The following TNK2 variants were observed in gnomAD, a reference collection of about 807,000 sequenced individuals.
TNK2 encodes tyrosine kinase non receptor 2.
In TNK2, 83 loss-of-function variants were observed where a neutral mutation model predicts 101.8. The observed-to-expected ratio is 0.82, with a 90% CI of 0.68 to 0.98. The LOEUF (loss-of-function observed/expected upper bound fraction) is 0.98. Among genes scored for constraint, TNK2 ranks in the 50% least tolerant of loss-of-function variants. TNK2 has a pLI of 0.00. For missense variants in TNK2, 1,665 were observed against 1,483.2 expected (o/e 1.12, Z -2.01); for synonymous variants, 804 against 633.0 (o/e 1.27, Z -4.06).
At position 195,878,715 on chromosome 3, in the gene TNK2, A is replaced by C; in HGVS notation, c.1015-123T>G. 1.4e-6 allele frequency: 2 copies of C among 1,410,920 alleles called. No homozygotes were observed. The highest frequency in any genetic ancestry group is 1.9e-6 in the Non-Finnish European group (2 of 1,055,448). 87.4% of individuals were successfully genotyped at this position (1,410,920 alleles called of 1,614,324 possible). On this transcript the variant is annotated intron_variant, in intron 7 of 15. Coordinates refer to ENST00000672887, the MANE Select transcript of TNK2 (RefSeq NM_001382273.1). The surrounding 1 kb of genome is among the most constrained non-coding windows in gnomAD (Gnocchi z 4.7). ...GCCATGCCTGGCCTCCAAAGAAGGG[A>C]TCTGCCTGCCTGGGAGGGGCCCTCT... is the stretch of plus-strand genomic sequence containing the variant.
chr3:195,885,045 C>A lies in TNK2; in HGVS notation c.235-12G>T. The A allele has an allele frequency of 6.3e-7, 1 of 1,576,526 alleles. No individual in the cohort carries two copies. The highest frequency in any genetic ancestry group is 8.6e-7 in the Non-Finnish European group (1 of 1,157,954). On this transcript the variant is annotated splice_polypyrimidine_tract_variant and intron_variant, in intron 3 of 15. Coordinates refer to ENST00000672887, the MANE Select transcript of TNK2 (RefSeq NM_001382273.1). The surrounding 1 kb of genome is among the most constrained non-coding windows in gnomAD (Gnocchi z 4.7). ...TTTCCACTGAACACCTGTTTGAAGG[C>A]AGCCGGGGGCCAGATGGAATCCAAC... is the stretch of plus-strand genomic sequence containing the variant.
Position 195,886,823 on chromosome 3 carries a change from G to A in TNK2, c.234+154C>T, listed in dbSNP as rs777367126. On this transcript the variant is annotated intron_variant, in intron 3 of 15. Transcript: ENST00000672887. This position sits in a 1 kb window ranked among gnomAD's most constrained non-coding sequence, Gnocchi z 4.2. The stretch of plus-strand genomic sequence containing the variant: ...CAGCAGCTCTACAAGTGCCCTGCCC[G>A]ATAAGACCCTGGACGAGGGGGTCCT... Among the ~76,000 whole-genome samples the A allele has an allele frequency of 5.3e-5, 8 of 152,198 alleles. 1 individual carries two copies. Among genetic ancestry groups the A allele is most frequent in the South Asian group, 4.1e-4 (2 of 4,830 alleles).
Position 195,884,985 on chromosome 3 carries a change from G to T in TNK2, c.283C>A (p.Gln95Lys). ...GGCGAGGTCTTCCGGAAGGTGCTCT[G>T]AGAGTGATGAGGTGGGAACTCAGCC... Reference protein sequence around the residue: ...LEAEFPPHHSQSTFRKTSPAP... With the variant: ...LEAEFPPHHSKSTFRKTSPAP... Residue 95 changes from glutamine to lysine, a missense_variant, in exon 4 of 16, where the codon CAG becomes AAG. This residue lies in a region of TNK2 where 490 missense variants were observed against 522.5 expected (regional missense o/e 0.94). Coordinates refer to ENST00000672887, the MANE Select transcript of TNK2 (RefSeq NM_001382273.1). 5 of 1,613,156 alleles carry T rather than the reference G, an allele frequency of 3.1e-6. No homozygotes were observed. The highest frequency in any genetic ancestry group is 4.2e-6 in the Non-Finnish European group (5 of 1,179,512).
At chr3:195,905,950 G>A (rs6782052) in intron 1 of TNK2, among the ~76,000 whole-genome samples, 21,420 of 152,050 alleles carry the variant, frequency 0.14, 2,087 homozygotes, top group East Asian at 0.39. Flanking sequence ...CTTATATCCA[G>A]AATATATCAA....
At chr3:195,866,286 C>T (rs767603123) in intron 15 of TNK2, among the ~76,000 whole-genome samples, 9 of 152,060 alleles carry the variant, frequency 5.9e-5, no homozygotes, top group Non-Finnish European at 1.2e-4. Context: ...CAGCAACCTC[C>T]GCCTCCCAGG....
chr3:195,870,176 G>T lies in TNK2; in HGVS notation c.1481C>A (p.Pro494His). Residue 494 changes from proline (P) to histidine (H), a missense_variant, in exon 11 of 16, where the codon CCC (proline) becomes CAC (histidine). Pro to His is a moderately conservative substitution (Grantham distance 77, BLOSUM62 -2). Coordinates refer to ENST00000672887, the MANE Select transcript of TNK2 (RefSeq NM_001382273.1). Reference protein sequence around the residue: ...ELYLGNPMDPPDLLSVELSTS... With the variant: ...ELYLGNPMDPHDLLSVELSTS... Reference sequence around the variant, plus strand: ...GCTCAGTTCCACGCTCAGGAGGTCGGGGGGGTCCATGGGGTTTCCCAGATA... The same window carrying T: ...GCTCAGTTCCACGCTCAGGAGGTCGTGGGGGTCCATGGGGTTTCCCAGATA... The T allele has an allele frequency of 6.5e-7, 1 of 1,543,126 alleles. No homozygotes were observed. The highest frequency in any genetic ancestry group is 8.8e-7 in the Non-Finnish European group (1 of 1,140,336).
chr3:195,897,820 C>T (rs1338921045), intron 1 of TNK2, among the ~76,000 whole-genome samples: 15 of 5,234 alleles, frequency 2.9e-3, no homozygotes, highest in African/African-American at 7.8e-3. Context: ...ACCCCCCCAC[C>T]CCCCCCCCAC....
chr3:195,890,544 G>C (rs911922283), intron 1 of TNK2, among the ~76,000 whole-genome samples: 1 of 145,910 alleles, frequency 6.9e-6, no homozygotes, highest in Non-Finnish European at 1.5e-5. Flanking sequence ...TCAGCCTCCC[G>C]GGTTCAGGCA....
intron 1 of TNK2, among the ~76,000 whole-genome samples, chr3:195,889,556 G>A (rs986456815): frequency 2.0e-5 from 3 of 152,188 alleles, no homozygotes; most frequent in Non-Finnish European, 1.5e-5. Flanking sequence ...TCTGTTCCCT[G>A]ATTTCACTTA....
chr3:195,868,802 C>T, intron 12 of TNK2, 93 bp from the exon 13 acceptor site: 1 of 1,385,256 alleles, frequency 7.2e-7, no homozygotes, highest in Non-Finnish European at 9.5e-7. Context: ...GCCAAGTGTC[C>T]CCCAGCAACC....
In TNK2 at chr3:195,885,414, C is replaced by G. The variant is rs1212468967; in HGVS notation, c.235-381G>C. 2.2e-6 allele frequency: 3 copies of G among 1,338,794 alleles called. No homozygotes were observed. Among genetic ancestry groups the G allele is most frequent in the African/African-American group, 3.0e-5 (2 of 67,780 alleles). 82.9% of individuals were successfully genotyped at this position (1,338,794 alleles called of 1,614,324 possible). ...CACCCCGCAGACTCCAGCCCTAACCCGCATCGATGGAGCCGCAGGGGCCCT... is the reference window on the plus strand; with the variant it reads ...CACCCCGCAGACTCCAGCCCTAACCGGCATCGATGGAGCCGCAGGGGCCCT... On this transcript the variant is annotated intron_variant, in intron 3 of 15. Coordinates refer to ENST00000672887, the MANE Select transcript of TNK2 (RefSeq NM_001382273.1). The surrounding 1 kb of genome is among the most constrained non-coding windows in gnomAD (Gnocchi z 4.7).
Position 195,868,602 on chromosome 3 carries a change from G to A in TNK2, c.1696C>T (p.Pro566Ser). 6.3e-7 allele frequency: 1 copy of A among 1,581,288 alleles called. No individual in the cohort carries two copies. The highest frequency in any genetic ancestry group is 8.5e-7 in the Non-Finnish European group (1 of 1,172,734). Residue 566 changes from proline (P) to serine (S), a missense_variant, in exon 13 of 16, where the codon CCC (proline) becomes TCC (serine). By Grantham distance (74) the Pro-to-Ser change is moderately conservative. Around this residue, in one of 3 missense-constraint regions of TNK2, gnomAD observed 1,136 missense variants for 894.9 expected, o/e 1.27. Transcript: ENST00000672887. The part of the protein sequence containing the change: ...GLPRGLWLAK[P>S]SARVPGTKAS... The stretch of plus-strand genomic sequence containing the variant: ...TTGGTGCCCGGCACCCGCGCCGAGG[G>A]CTTCGCCAGCCACAGCCCTCGGGGC...
chr3:195,903,877 T>C (rs1761474969), intron 1 of TNK2, among the ~76,000 whole-genome samples: 1 of 152,192 alleles, frequency 6.6e-6, no homozygotes, highest in African/African-American at 2.4e-5. Flanking sequence ...AAAAGCTTGC[T>C]AGAATAAGTC....
chr3:195,904,333 T>C (rs530372537), intron 1 of TNK2, among the ~76,000 whole-genome samples: 14 of 149,626 alleles, frequency 9.4e-5, no homozygotes, highest in South Asian at 2.1e-4. Context: ...ATTCATACAA[T>C]AGAATATTAT....
intron 2 of TNK2, among the ~76,000 whole-genome samples, chr3:195,887,836 GT>G (rs1756524495): frequency 1.6e-5 from 1 of 63,780 alleles, no homozygotes; most frequent in East Asian, 5.1e-4. Flanking sequence ...GCGCACACAC[GT>G]GTGTGTGTGT....
intron 2 of TNK2, among the ~76,000 whole-genome samples, chr3:195,887,937 C>CATGTGCGT (rs1756752222): frequency 7.9e-6 from 1 of 125,964 alleles, no homozygotes; most frequent in South Asian, 2.4e-4. Flanking sequence ...CGTGTGTGCG[C>CATGTGCGT]ATGTGCGTGT....
chr3:195,868,495 C>T lies in TNK2; in HGVS notation c.1803G>A (p.Ala601=), dbSNP rs373287433. The T allele has an allele frequency of 1.1e-4, 171 of 1,546,506 alleles. 1 individual carries two copies. Among genetic ancestry groups the T allele is most frequent in the Middle Eastern group, 1.8e-4 (1 of 5,570 alleles). Residue 601 remains alanine (A), a synonymous_variant, in exon 13 of 16, where the codon GCG becomes GCA. Transcript: ENST00000672887. The part of the protein sequence containing the change: ...EPVVPALRPC[A]PSLAQLAMDA... ...CCATGGCCAGCTGCGCCAGGGAGGG[C>T]GCGCAGGGCCGTAGGGCCGGGACCA... is the stretch of plus-strand genomic sequence containing the variant.
chr3:195,906,448 C>T (rs1410842198), intron 1 of TNK2, among the ~76,000 whole-genome samples: 2 of 152,158 alleles, frequency 1.3e-5, no homozygotes, highest in African/African-American at 4.8e-5. Flanking sequence ...TGTACAATGA[C>T]TGTTGATACG....
chr3:195,864,119 C>G lies in TNK2; in HGVS notation c.*62G>C. 6.2e-7 allele frequency: 1 copy of G among 1,612,014 alleles called. No individual in the cohort carries two copies. Among genetic ancestry groups the G allele is most frequent in the Non-Finnish European group, 8.5e-7 (1 of 1,178,566 alleles). On this transcript the variant is annotated 3_prime_UTR_variant, in exon 16 of 16. Coordinates refer to ENST00000672887, the MANE Select transcript of TNK2 (RefSeq NM_001382273.1). ...ACTGGATGGGGGCATCTCCCCACTC[C>G]TGGTGGACGGACAGGCTCAGGTGAT... is the stretch of plus-strand genomic sequence containing the variant.
Sources: gnomAD v4.1 joint callset for allele counts (sites outside exome capture counted in the v4.1 genomes callset) on GRCh38, gnomAD v4.1.1 for gene constraint, gnomAD v4.1.1 regional missense constraint, Gnocchi (gnomAD v3.1) non-coding constraint, MANE v1.5 for transcripts, NCBI Gene and HGNC (gene_info 2026-07-23, HGNC 2026-07-21) for gene names.